The following SHANK2 variants were observed in gnomAD, a reference collection of about 807,000 sequenced individuals.
SHANK2 encodes SH3 and multiple ankyrin repeat domains protein 2.
In SHANK2, 43 loss-of-function variants were observed where a neutral mutation model predicts 133.7. The ratio of observed to expected loss-of-function variants is 0.32; its 90% CI spans 0.25 to 0.41. The LOEUF (loss-of-function observed/expected upper bound fraction) is 0.41. SHANK2 is among the 10% of genes least tolerant of loss of function. The pLI is 1.00. For synonymous variants in SHANK2, 1,017 were observed against 952.8 expected (o/e 1.07, Z -1.24); for missense variants, 1,994 against 2,235.8 (o/e 0.89, Z 2.18).
intron 2 of SHANK2, among the ~76,000 whole-genome samples, chr11:71,210,769 T>C (rs1219944435): frequency 6.6e-6 from 1 of 152,006 alleles, no homozygotes; most frequent in Non-Finnish European, 1.5e-5. Context: ...AGCACCATTG[T>C]CCTAAATAAA....
intron 10 of SHANK2, chr11:70,908,026 G>A (rs563661428): frequency 4.4e-4 from 179 of 406,606 alleles, no homozygotes; most frequent in African/African-American, 3.0e-3. Context: ...GCTTGAACCC[G>A]GGAAGTGGAG....
At chr11:70,865,149 C>T (rs2166246) in intron 11 of SHANK2, 1 of 152,118 alleles carries the variant, frequency 6.6e-6, no homozygotes, top group African/African-American at 2.4e-5. Flanking sequence ...CTGCAGTGGC[C>T]TGAGCGGGCT....
chr11:71,107,923 T>C (rs1420135941), intron 6 of SHANK2, among the ~76,000 whole-genome samples: 1 of 152,130 alleles, frequency 6.6e-6, no homozygotes, highest in Non-Finnish European at 1.5e-5. Context: ...CCAGCCTCCT[T>C]CTACTGCTGG....
chr11:70,878,863 A>G (rs1056537039), intron 11 of SHANK2, among the ~76,000 whole-genome samples: 5 of 152,182 alleles, frequency 3.3e-5, no homozygotes, highest in Non-Finnish European at 7.3e-5. Context: ...GATCTGGTCT[A>G]AGGCCAGGAA....
intron 3 of SHANK2, among the ~76,000 whole-genome samples, chr11:71,126,725 C>CTTTTTTTTTTTT (rs200961805): frequency 7.7e-6 from 1 of 130,282 alleles, no homozygotes; most frequent in African/African-American, 2.9e-5. Context: ...TCATAAACGA[C>CTTTTTTTTTTTT]TTTTTTTTTT....
chr11:70,583,868 C>T (rs1416113476), intron 17 of SHANK2, among the ~76,000 whole-genome samples: 1 of 152,192 alleles, frequency 6.6e-6, no homozygotes. Context: ...CCAGCATGGC[C>T]CAGTGGCCCA....
rs1282565042 is a variant in SHANK2 at position 70,502,207 on chromosome 11, G to A, written c.2277C>T (p.Leu759=). 7.1e-6 allele frequency: 11 copies of A among 1,555,798 alleles called. No homozygotes were observed. The highest frequency in any genetic ancestry group is 6.8e-5 in the African/African-American group (5 of 73,798). ...SKSMTSELEE[L]VDKASVRKKK... ...GGCTGGGCCGGGTGTGCGACTTACC[G>A]AGCTCCTCCAGCTCCGAGGTCATGG... is the stretch of plus-strand genomic sequence containing the variant. Residue 759 remains leucine (L), a splice_region_variant and synonymous_variant, in exon 19 of 26, where the codon CTC becomes CTT. Transcript: ENST00000601538.
At chr11:70,953,514 C>T (rs2135906585) in intron 10 of SHANK2, among the ~76,000 whole-genome samples, 1 of 152,208 alleles carries the variant, frequency 6.6e-6, no homozygotes, top group Non-Finnish European at 1.5e-5. Context: ...GTGTAGGTCC[C>T]AGAGTCCAAA....
intron 17 of SHANK2, among the ~76,000 whole-genome samples, chr11:70,636,612 TGCGA>T (rs2061097139): frequency 6.6e-6 from 1 of 151,980 alleles, no homozygotes; most frequent in Non-Finnish European, 1.5e-5. Flanking sequence ...AGTGTGTGTA[TGCGA>T]GCATGTGTGA....
At chr11:70,529,903 A>G (rs1554972853) in intron 17 of SHANK2, among the ~76,000 whole-genome samples, 1 of 152,184 alleles carries the variant, frequency 6.6e-6, no homozygotes, top group East Asian at 1.9e-4. Flanking sequence ...ATTCCATTGC[A>G]CAGACAGACC....
chr11:70,588,757 G>A (rs2060284734), intron 17 of SHANK2, among the ~76,000 whole-genome samples: 1 of 152,218 alleles, frequency 6.6e-6, no homozygotes, highest in Admixed American at 6.5e-5. Context: ...TTCTCCAGAG[G>A]ATCTAGTTAA....
intron 9 of SHANK2, among the ~76,000 whole-genome samples, chr11:71,064,369 C>A (rs1951021693): frequency 6.6e-6 from 1 of 152,124 alleles, no homozygotes; most frequent in Non-Finnish European, 1.5e-5. Context: ...CAGAGGCCAC[C>A]CCAGCAGAGC....
chr11:71,216,619 C>T (rs1954419961), intron 2 of SHANK2, among the ~76,000 whole-genome samples: 1 of 152,180 alleles, frequency 6.6e-6, no homozygotes, highest in Non-Finnish European at 1.5e-5. Flanking sequence ...GTCAACATTT[C>T]AGTCAAGGAG....
At chr11:70,941,292 G>A (rs1950643511) in intron 10 of SHANK2, among the ~76,000 whole-genome samples, 1 of 152,172 alleles carries the variant, frequency 6.6e-6, no homozygotes. Context: ...GCACAAAAAT[G>A]GAGGCTGACA....
chr11:70,712,123 G>A (rs1555026273), intron 14 of SHANK2, among the ~76,000 whole-genome samples: 4 of 152,280 alleles, frequency 2.6e-5, no homozygotes, highest in East Asian at 1.9e-4. Context: ...TCCCCCGCCC[G>A]GCTTCCAGAG....
chr11:71,113,251 C>A (rs1474335471), intron 5 of SHANK2, 42 bp downstream of exon 5: 2 of 1,515,702 alleles, frequency 1.3e-6, no homozygotes, highest in Admixed American at 2.0e-5. Flanking sequence ...AAGGAGGACG[C>A]CGCCTGCCTA....
chr11:70,743,857 C>G (rs532890), intron 14 of SHANK2, among the ~76,000 whole-genome samples: 90,188 of 151,996 alleles, frequency 0.59, 28,075 homozygotes, highest in African/African-American at 0.8. Flanking sequence ...CTTTCCTACC[C>G]GGCTGCTGCG....
At chr11:70,597,436 C>T (rs781961614) in intron 17 of SHANK2, among the ~76,000 whole-genome samples, 11 of 152,148 alleles carry the variant, frequency 7.2e-5, no homozygotes, top group South Asian at 4.2e-4. Flanking sequence ...CCCTGAGAGG[C>T]GGCCAGTGGA....
At chr11:70,879,004 C>T (rs1949615796) in intron 11 of SHANK2, among the ~76,000 whole-genome samples, 1 of 152,184 alleles carries the variant, frequency 6.6e-6, no homozygotes, top group East Asian at 1.9e-4. Flanking sequence ...GAAAATGTTT[C>T]CTGAGGCTAC....
Sources: gnomAD v4.1 joint callset for allele counts (sites outside exome capture counted in the v4.1 genomes callset) on GRCh38, gnomAD v4.1.1 for gene constraint, MANE v1.5 for transcripts, NCBI Gene and HGNC (gene_info 2026-07-23, HGNC 2026-07-21) for gene names.